Variants in OTULIN observed in about 807,000 individuals in gnomAD.
The protein encoded by OTULIN is ubiquitin thioesterase otulin.
Under a neutral mutation model 39.6 loss-of-function variants are expected in OTULIN, and 15 were observed. The ratio of observed to expected loss-of-function variants is 0.38; its 90% CI spans 0.25 to 0.58. The LOEUF (loss-of-function observed/expected upper bound fraction) is 0.58. Among genes scored for constraint, OTULIN ranks in the 20% least tolerant of loss-of-function variants. The pLI, the probability that OTULIN is intolerant of heterozygous loss-of-function variation, is 0.66. For synonymous variants in OTULIN, 156 were observed against 170.3 expected, an observed-to-expected ratio of 0.92 and a Z score of 0.65; for missense variants, 319 against 445.9, an observed-to-expected ratio of 0.72 and a Z score of 2.56.
At chr5:14,676,424 C>A (rs560645980) in intron 2 of OTULIN, among the ~76,000 whole-genome samples, 3 of 152,364 alleles carry the variant, frequency 2.0e-5, no homozygotes, top group African/African-American at 7.2e-5. Context: ...CCATTGGAGT[C>A]CTCCTCAGAG....
the OTULIN span, among the ~76,000 whole-genome samples, chr5:14,715,898 T>C: frequency 0.043 from 6,585 of 152,358 alleles, 184 homozygotes; most frequent in Middle Eastern, 0.12. Context: ...GTTTCTTTTC[T>C]GACCATCCAT....
In OTULIN at chr5:14,689,559, AG is replaced by A. The variant is rs138814979; in HGVS notation, c.595-477del. The stretch of plus-strand genomic sequence containing the variant: ...AGTTCATATATATTTTTGAGGTTAG[AG>A]GGATAAGTTTAGTAAATTATTATTC... On this transcript the variant is annotated intron_variant, in intron 5 of 6. Coordinates refer to ENST00000284274, the MANE Select transcript of OTULIN (RefSeq NM_138348.6). Among the ~76,000 whole-genome samples the A allele has an allele frequency of 4.0e-3, 616 of 152,294 alleles. 5 individuals are homozygous for A. The highest frequency in any genetic ancestry group is 6.1e-3 in the Non-Finnish European group (417 of 68,028).
downstream of OTULIN, among the ~76,000 whole-genome samples, chr5:14,702,828 T>C (rs1047992018): frequency 6.6e-6 from 1 of 152,238 alleles, no homozygotes; most frequent in Non-Finnish European, 1.5e-5. Flanking sequence ...TATTGGTCTT[T>C]GGAATCAAGG....
intron 4 of OTULIN, among the ~76,000 whole-genome samples, chr5:14,686,941 C>T (rs1019133535): frequency 6.6e-6 from 1 of 152,176 alleles, no homozygotes; most frequent in Admixed American, 6.5e-5. Context: ...CTTAATAGAT[C>T]GATTAGATAG....
chr5:14,687,800 C>A, intron 5 of OTULIN, 154 bp downstream of exon 5: 1 of 872,970 alleles, frequency 1.1e-6, no homozygotes, highest in Non-Finnish European at 1.7e-6. Context: ...ACTCTTCCCA[C>A]GAGGGCTTTA....
At position 14,693,009 on chromosome 5, in the gene OTULIN, T is replaced by C. The variant is rs1378402028; in HGVS notation, c.1020T>C (p.Tyr340=). ...VTLIAEDDRH[Y]NIPVRVCEET... ...TCATTGCTGAGGACGATCGGCACTATAACATCCCCGTCAGAGTGTGTGAGG... is the reference window on the plus strand; with the variant it reads ...TCATTGCTGAGGACGATCGGCACTACAACATCCCCGTCAGAGTGTGTGAGG... Residue 340 remains tyrosine (Y), a synonymous_variant, in exon 7 of 7, where the codon TAT becomes TAC. Coordinates refer to ENST00000284274, the MANE Select transcript of OTULIN (RefSeq NM_138348.6). The C allele has an allele frequency of 1.9e-6, 3 of 1,614,082 alleles. No individual in the cohort carries two copies. The South Asian group carries it at 3.3e-5, about 18-fold the overall frequency.
intron 2 of OTULIN, among the ~76,000 whole-genome samples, chr5:14,676,281 T>C (rs1196387065): frequency 6.6e-6 from 1 of 152,258 alleles, no homozygotes; most frequent in Non-Finnish European, 1.5e-5. Context: ...AGAAATGTCC[T>C]TTTTTGAAAA....
intron 2 of OTULIN, among the ~76,000 whole-genome samples, chr5:14,675,095 T>G (rs1247966276): frequency 6.6e-6 from 1 of 152,218 alleles, no homozygotes; most frequent in Admixed American, 6.5e-5. Flanking sequence ...GTTGCTCTAA[T>G]AGGGGCTCTT....
intron 1 of OTULIN, among the ~76,000 whole-genome samples, chr5:14,671,990 T>A (rs1735988426): frequency 6.6e-6 from 1 of 152,168 alleles, no homozygotes; most frequent in Non-Finnish European, 1.5e-5. Flanking sequence ...TAGTTATACA[T>A]ACAGCTAATA....
At chr5:14,688,962 A>G (rs1004743763) in intron 5 of OTULIN, among the ~76,000 whole-genome samples, 7 of 152,204 alleles carry the variant, frequency 4.6e-5, no homozygotes, top group African/African-American at 1.7e-4. Flanking sequence ...TAAGGTTAAA[A>G]TTACTAATAA....
chr5:14,703,199 G>A (rs1736832562), downstream of OTULIN, among the ~76,000 whole-genome samples: 3 of 152,006 alleles, frequency 2.0e-5, no homozygotes. Flanking sequence ...ATTGAACTGG[G>A]CAGTCAGCAT....
the OTULIN span, among the ~76,000 whole-genome samples, chr5:14,714,957 C>G: frequency 6.6e-6 from 1 of 152,232 alleles, no homozygotes; most frequent in Non-Finnish European, 1.5e-5. Flanking sequence ...GATGGTGGCA[C>G]CTTCCAGAGC....
chr5:14,677,950 G>A (rs1435343642), intron 2 of OTULIN, among the ~76,000 whole-genome samples: 1 of 152,190 alleles, frequency 6.6e-6, no homozygotes, highest in Non-Finnish European at 1.5e-5. Context: ...GTGTGTCAGT[G>A]CAGCTCCAGA....
At chr5:14,679,824 C>T (rs1231698993) in intron 3 of OTULIN, among the ~76,000 whole-genome samples, 4 of 152,134 alleles carry the variant, frequency 2.6e-5, no homozygotes, top group Non-Finnish European at 4.4e-5. Flanking sequence ...GTGTTTTAGG[C>T]GTTGGTTAGA....
chr5:14,716,352 G>T, the OTULIN span, among the ~76,000 whole-genome samples: 3 of 152,172 alleles, frequency 2.0e-5, no homozygotes, highest in Non-Finnish European at 4.4e-5. Context: ...AATTAGTTGG[G>T]TATGGTGGTG....
chr5:14,677,042 T>C (rs867773397), intron 2 of OTULIN, among the ~76,000 whole-genome samples: 1 of 152,246 alleles, frequency 6.6e-6, no homozygotes, highest in Non-Finnish European at 1.5e-5. Flanking sequence ...ATGTATTATT[T>C]TCTCTTGTAT....
chr5:14,705,861 C>T, the OTULIN span: 2 of 152,248 alleles, frequency 1.3e-5, no homozygotes, highest in African/African-American at 4.8e-5. Flanking sequence ...ACCGTGGGTC[C>T]CTGCATGTTC....
Position 14,687,537 on chromosome 5 carries a change from T to C in OTULIN, c.485T>C (p.Ile162Thr). The part of the protein sequence containing the change: ...PELMLLPEKL[I>T]SKYNWIKQWK... ...ATGTTGTAGTTACCAGAAAAACTCA[T>C]AAGCAAATACAACTGGATCAAGCAA... Residue 162 changes from isoleucine to threonine, a missense_variant, in exon 5 of 7, where the codon ATA (isoleucine) becomes ACA (threonine). Ile to Thr is a moderately conservative substitution (Grantham distance 89). Coordinates refer to ENST00000284274, the MANE Select transcript of OTULIN (RefSeq NM_138348.6). The C allele has an allele frequency of 3.7e-6, 6 of 1,613,232 alleles. No individual in the cohort carries two copies. Among genetic ancestry groups the C allele is most frequent in the Non-Finnish European group, 5.1e-6 (6 of 1,179,782 alleles).
At chr5:14,691,636 T>C (rs751282789) in intron 6 of OTULIN, among the ~76,000 whole-genome samples, 6 of 152,160 alleles carry the variant, frequency 3.9e-5, no homozygotes, top group Non-Finnish European at 5.9e-5. Context: ...TCAGTTTCTT[T>C]TTTGAAATAC....
Sources: gnomAD v4.1 joint callset for allele counts (sites outside exome capture counted in the v4.1 genomes callset) on GRCh38, gnomAD v4.1.1 for gene constraint, MANE v1.5 for transcripts, NCBI Gene and HGNC (gene_info 2026-07-23, HGNC 2026-07-21) for gene names.